REDIC1: variants seen among roughly 807,000 people sequenced by gnomAD.
The protein encoded by REDIC1 is HEI10 Interacting Protein 1.
the REDIC1 span, among the ~76,000 whole-genome samples, chr12:39,692,419 G>T: frequency 6.6e-6 from 1 of 151,690 alleles, no homozygotes; most frequent in South Asian, 2.1e-4. Flanking sequence ...TTCATATCCT[G>T]CCCTCTAGAG....
chr12:39,662,594 T>A, the REDIC1 span, among the ~76,000 whole-genome samples: 103 of 152,152 alleles, frequency 6.8e-4, no homozygotes, highest in Middle Eastern at 3.4e-3. Context: ...AATTTGACTT[T>A]CCCTTTTCCA....
chr12:39,712,679 ATG>A, the REDIC1 span, among the ~76,000 whole-genome samples: 1 of 142,092 alleles, frequency 7.0e-6, no homozygotes, highest in Non-Finnish European at 1.6e-5. Context: ...ATGTGTATAT[ATG>A]TATATATACG....
At chr12:39,647,911 A>G in the REDIC1 span, 12 of 1,607,578 alleles carry the variant, frequency 7.5e-6, no homozygotes, top group South Asian at 2.2e-5. Context: ...TTTCAAAACT[A>G]AATTTCACAT....
At chr12:39,754,189 A>G in the REDIC1 span, 1 of 152,150 alleles carries the variant, frequency 6.6e-6, no homozygotes, top group Non-Finnish European at 1.5e-5. Flanking sequence ...GATCTTGGGC[A>G]AGTGACAAAA....
the REDIC1 span, among the ~76,000 whole-genome samples, chr12:39,797,736 A>ACACG: frequency 4.1e-5 from 1 of 24,476 alleles, no homozygotes; most frequent in African/African-American, 8.5e-5. Flanking sequence ...AAACACACAC[A>ACACG]CACACACACA....
the REDIC1 span, among the ~76,000 whole-genome samples, chr12:39,878,747 G>A: frequency 2.0e-5 from 3 of 152,328 alleles, no homozygotes; most frequent in East Asian, 3.9e-4. Context: ...AAAGAAAAAA[G>A]CTTTTTTGGG....
chr12:39,696,665 G>T, the REDIC1 span, among the ~76,000 whole-genome samples: 1 of 146,296 alleles, frequency 6.8e-6, no homozygotes, highest in African/African-American at 2.5e-5. Flanking sequence ...TGAGGAAAGT[G>T]AAATTCAAGA....
At chr12:39,827,724 T>C in the REDIC1 span, among the ~76,000 whole-genome samples, 1 of 152,116 alleles carries the variant, frequency 6.6e-6, no homozygotes, top group Admixed American at 6.6e-5. Context: ...ACAACATAGA[T>C]ATAGAAAACC....
chr12:39,697,606 G>T, the REDIC1 span, among the ~76,000 whole-genome samples: 1 of 152,088 alleles, frequency 6.6e-6, no homozygotes, highest in Non-Finnish European at 1.5e-5. Context: ...GAGTTAAAAA[G>T]CAAGGGAATG....
chr12:39,641,688 TCA>T, the REDIC1 span, among the ~76,000 whole-genome samples: 41 of 151,142 alleles, frequency 2.7e-4, no homozygotes, highest in African/African-American at 9.5e-4. Context: ...AAGAAGAAAC[TCA>T]CAGAATATAA....
chr12:39,645,764 C>T, the REDIC1 span, among the ~76,000 whole-genome samples: 1 of 151,964 alleles, frequency 6.6e-6, no homozygotes, highest in Non-Finnish European at 1.5e-5. Flanking sequence ...AGAGACAAGA[C>T]TTTTATTTTG....
the REDIC1 span, among the ~76,000 whole-genome samples, chr12:39,846,252 C>A: frequency 2.4e-4 from 36 of 152,128 alleles, no homozygotes; most frequent in African/African-American, 8.7e-4. Context: ...TATTATTCAC[C>A]TTTGACCATA....
the REDIC1 span, among the ~76,000 whole-genome samples, chr12:39,711,566 TA>T: frequency 1.9e-4 from 2 of 10,402 alleles, no homozygotes; most frequent in Non-Finnish European, 8.0e-4. Flanking sequence ...CATGCATGTG[TA>T]TATGTGCATA....
At chr12:39,641,903 C>A in the REDIC1 span, among the ~76,000 whole-genome samples, 3 of 151,704 alleles carry the variant, frequency 2.0e-5, no homozygotes, top group Non-Finnish European at 4.4e-5. Context: ...TTGCTAAAGT[C>A]AACAATGAAC....
the REDIC1 span, among the ~76,000 whole-genome samples, chr12:39,630,144 A>G: frequency 6.6e-6 from 1 of 152,156 alleles, no homozygotes; most frequent in African/African-American, 2.4e-5. Flanking sequence ...TTTAATTTTG[A>G]AAAGATTCTT....
chr12:39,647,122 G>T, the REDIC1 span, among the ~76,000 whole-genome samples: 2 of 151,964 alleles, frequency 1.3e-5, no homozygotes, highest in African/African-American at 4.8e-5. Context: ...CATAACATTT[G>T]ATTCTGCTTG....
At chr12:39,752,167 A>T in the REDIC1 span, among the ~76,000 whole-genome samples, 1 of 152,214 alleles carries the variant, frequency 6.6e-6, no homozygotes, top group Non-Finnish European at 1.5e-5. Context: ...TGGAATCCTC[A>T]GTGCCCACGC....
chr12:39,635,161 G>A, the REDIC1 span, among the ~76,000 whole-genome samples: 3 of 152,190 alleles, frequency 2.0e-5, no homozygotes, highest in Admixed American at 6.5e-5. Context: ...TGGGGAGGAT[G>A]TGGAGAAATA....
At chr12:39,714,553 G>T in the REDIC1 span, among the ~76,000 whole-genome samples, 18 of 151,584 alleles carry the variant, frequency 1.2e-4, no homozygotes, top group Non-Finnish European at 1.5e-5. Flanking sequence ...TTTGAATATT[G>T]ATTTCTTTTC....
Sources: allele counts gnomAD v4.1 joint callset (sites outside exome capture counted in the v4.1 genomes callset), GRCh38; gene constraint gnomAD v4.1.1; transcripts MANE v1.5; gene names NCBI Gene and HGNC (gene_info 2026-07-23, HGNC 2026-07-21).